CASD1: variants seen among roughly 807,000 people sequenced by gnomAD.
CASD1 encodes N-acetylneuraminate (7)9-O-acetyltransferase.
A neutral mutation model predicts 100.0 loss-of-function variants in CASD1; 41 were observed. The observed-to-expected ratio is 0.41, with a 90% CI of 0.32 to 0.53. The LOEUF (loss-of-function observed/expected upper bound fraction) is 0.53. Ranked by LOEUF, CASD1 falls within the 20% of genes least tolerant of loss-of-function variation. CASD1 has a pLI of 0.25. For missense variants in CASD1, 774 were observed against 948.7 expected (o/e 0.82, Z 2.42); for synonymous variants, 321 against 315.6 (o/e 1.02, Z -0.18).
intron 1 of CASD1, among the ~76,000 whole-genome samples, chr7:94,511,564 A>G (rs1291376091): frequency 6.6e-6 from 1 of 152,202 alleles, no homozygotes; most frequent in African/African-American, 2.4e-5. Flanking sequence ...TTTATCTACA[A>G]TCATGTAAAA....
the CASD1 span, among the ~76,000 whole-genome samples, chr7:94,580,006 T>C: frequency 6.6e-6 from 1 of 152,164 alleles, no homozygotes; most frequent in East Asian, 1.9e-4. Context: ...ATTTCCAAAG[T>C]ATCAATGTAA....
intron 15 of CASD1, chr7:94,551,781 ATTT>A (rs1054184960): frequency 6.4e-6 from 1 of 156,870 alleles, no homozygotes; most frequent in Non-Finnish European, 1.4e-5. Context: ...GATAAACTAT[ATTT>A]TTATCTATAA....
chr7:94,629,828 G>A, the CASD1 span: 1 of 1,610,704 alleles, frequency 6.2e-7, no homozygotes, highest in Non-Finnish European at 8.5e-7. Flanking sequence ...GTACCTTGGA[G>A]AAAATACTGT....
At chr7:94,600,736 T>A in the CASD1 span, 1 of 1,613,860 alleles carries the variant, frequency 6.2e-7, no homozygotes, top group East Asian at 2.2e-5. Flanking sequence ...AATTAGGAAA[T>A]CCGTGTAATA....
chr7:94,562,552 A>G, the CASD1 span, among the ~76,000 whole-genome samples: 1 of 152,156 alleles, frequency 6.6e-6, no homozygotes, highest in Non-Finnish European at 1.5e-5. Context: ...GTTCTCTGCA[A>G]TTTATGAAAA....
chr7:94,619,005 T>A, the CASD1 span: 1 of 1,303,190 alleles, frequency 7.7e-7, no homozygotes, highest in Non-Finnish European at 1.1e-6. Flanking sequence ...AGTAGTCTTT[T>A]AAAAAGGAAA....
chr7:94,586,085 A>AAAAAC, the CASD1 span, among the ~76,000 whole-genome samples: 1 of 150,680 alleles, frequency 6.6e-6, no homozygotes, highest in East Asian at 1.9e-4. Flanking sequence ...AAAAAAAAAA[A>AAAAAC]AACAACAACT....
chr7:94,594,949 C>T, the CASD1 span, among the ~76,000 whole-genome samples: 1 of 152,114 alleles, frequency 6.6e-6, no homozygotes, highest in East Asian at 1.9e-4. Context: ...TCTGCTCCAG[C>T]TTCCCTGTCC....
intron 14 of CASD1, among the ~76,000 whole-genome samples, chr7:94,550,245 C>T (rs1157902152): frequency 6.6e-6 from 1 of 152,030 alleles, no homozygotes; most frequent in Non-Finnish European, 1.5e-5. Flanking sequence ...TTAATTATTT[C>T]ATTCTTTCCT....
the CASD1 span, among the ~76,000 whole-genome samples, chr7:94,615,365 AATAGATAGATAGATAGATAG>A: frequency 6.3e-3 from 900 of 142,302 alleles, 5 homozygotes; most frequent in South Asian, 0.023. Context: ...TCTCAAAATA[AATAGATAGATAGATAGATAG>A]ATAGATAGAT....
At chr7:94,564,750 G>T in the CASD1 span, among the ~76,000 whole-genome samples, 2 of 152,130 alleles carry the variant, frequency 1.3e-5, no homozygotes, top group Non-Finnish European at 2.9e-5. Context: ...ATGTATCAAT[G>T]TCAAATAGTT....
At chr7:94,529,546 T>G (rs57833263) in intron 5 of CASD1, among the ~76,000 whole-genome samples, 1,616 of 152,266 alleles carry the variant, frequency 0.011, 29 homozygotes, top group African/African-American at 0.037. Context: ...TATATGGATG[T>G]ATGTATTTAC....
At chr7:94,592,421 G>A in the CASD1 span, among the ~76,000 whole-genome samples, 1 of 152,138 alleles carries the variant, frequency 6.6e-6, no homozygotes, top group African/African-American at 2.4e-5. Context: ...TCCTTCCAAG[G>A]AGGGACCTTA....
chr7:94,557,618 T>A (rs940502505), downstream of CASD1, among the ~76,000 whole-genome samples: 5 of 152,258 alleles, frequency 3.3e-5, no homozygotes, highest in Middle Eastern at 3.4e-3. Flanking sequence ...GAAGCACTTA[T>A]GTCTTCAGTA....
the CASD1 span, chr7:94,623,327 T>C: frequency 6.4e-7 from 1 of 1,572,840 alleles, no homozygotes; most frequent in Non-Finnish European, 8.7e-7. Context: ...ATACCTACCT[T>C]CTGCAGACAT....
chr7:94,588,665 T>G, the CASD1 span: 1 of 1,574,808 alleles, frequency 6.3e-7, no homozygotes, highest in South Asian at 1.1e-5. Flanking sequence ...TCATAAACAT[T>G]AATTTATTAT....
At chr7:94,599,613 C>T in the CASD1 span, 2 of 1,033,606 alleles carry the variant, frequency 1.9e-6, no homozygotes, top group African/African-American at 3.2e-5. Context: ...TGAAAAAAAG[C>T]TTGACACACA....
At chr7:94,591,237 C>A in the CASD1 span, among the ~76,000 whole-genome samples, 1 of 152,206 alleles carries the variant, frequency 6.6e-6, no homozygotes, top group African/African-American at 2.4e-5. Flanking sequence ...GATGGCAAGG[C>A]AAATATCTTT....
intron 16 of CASD1, chr7:94,553,786 TTAAATAAATAAA>T (rs71120402): frequency 1.6e-4 from 22 of 141,874 alleles, no homozygotes; most frequent in African/African-American, 3.8e-4. Context: ...ACCCTAGAAC[TTAAATAAATAAA>T]TAAATAAATA....
Sources: gnomAD v4.1 joint callset for allele counts (sites outside exome capture counted in the v4.1 genomes callset) on GRCh38, gnomAD v4.1.1 for gene constraint, MANE v1.5 for transcripts, NCBI Gene and HGNC (gene_info 2026-07-23, HGNC 2026-07-21) for gene names.